The following CD226 variants were observed in gnomAD, a reference collection of about 807,000 sequenced individuals.
CD226 encodes the protein CD226 antigen.
CD226 carries 24 observed loss-of-function variants against 34.9 expected under a neutral mutation model. That is an observed-to-expected ratio of 0.69 (90% confidence interval 0.50 to 0.97). CD226 has a LOEUF of 0.97. CD226 is among the 50% of genes least tolerant of loss of function. The pLI is 0.00. For synonymous variants in CD226, 148 were observed against 147.4 expected, an observed-to-expected ratio of 1.00 and a Z score of -0.03; for missense variants, 397 against 412.7, an observed-to-expected ratio of 0.96 and a Z score of 0.33.
rs1426781436 is a variant in CD226 at position 69,861,542 on chromosome 18, G to GTATATATATA, written c.*2762_*2771dup. The GTATATATATA allele has an allele frequency of 2.4e-5, 1 of 41,526 alleles. No individual in the cohort carries two copies. The highest frequency in any genetic ancestry group is 6.5e-5 in the Non-Finnish European group (1 of 15,316). The allele number at this position is 41,526 out of a possible 1,614,324, so 2.6% of individuals were successfully genotyped here. On this transcript the variant is annotated 3_prime_UTR_variant, in exon 6 of 6. Coordinates refer to ENST00000582621, the MANE Select transcript of CD226 (RefSeq NM_001303618.2). ...TTATCCATCGATATAAATTATATGT[G>GTATATATATA]TATATATATATGTATATATATATAT...
chr18:69,898,453 G>T (rs779882750), intron 2 of CD226, among the ~76,000 whole-genome samples: 1 of 152,116 alleles, frequency 6.6e-6, no homozygotes, highest in African/African-American at 2.4e-5. Flanking sequence ...ACTCATAGCC[G>T]TGTCTGCATT....
At chr18:69,904,723 T>C (rs1249987532) in intron 2 of CD226, among the ~76,000 whole-genome samples, 5 of 152,202 alleles carry the variant, frequency 3.3e-5, no homozygotes, top group Admixed American at 1.3e-4. Context: ...ATTTTAAATA[T>C]AGGTAGTACA....
chr18:69,954,573 C>CTA (rs2055881031), intron 1 of CD226, among the ~76,000 whole-genome samples: 1 of 150,256 alleles, frequency 6.7e-6, no homozygotes, highest in Non-Finnish European at 1.5e-5. Flanking sequence ...TCGGTGGTTT[C>CTA]TATGATCAGG....
At chr18:69,914,973 C>G (rs2055368201) in intron 2 of CD226, among the ~76,000 whole-genome samples, 2 of 152,112 alleles carry the variant, frequency 1.3e-5, no homozygotes, top group Admixed American at 1.3e-4. Flanking sequence ...TAGAGCTTTA[C>G]CAGAGTTGTT....
In CD226 at chr18:69,895,710, C is replaced by T. The variant is rs1985230507; in HGVS notation, c.718G>A (p.Val240Ile). ...ENETFVMRLT[V>I]AEGKTDNQYT... ...TCTGGTGCTCACTCACCCTCGGCTA[C>T]AGTCAATCTCATCACGAAGGTTTCG... Residue 240 changes from valine (V) to isoleucine (I), a missense_variant, in exon 3 of 6, where the codon GTA becomes ATA. Transcript: ENST00000582621. 6.2e-7 allele frequency: 1 copy of T among 1,611,594 alleles called. No individual in the cohort carries two copies. Among genetic ancestry groups the T allele is most frequent in the African/African-American group, 1.3e-5 (1 of 74,902 alleles).
intron 3 of CD226, among the ~76,000 whole-genome samples, chr18:69,891,814 T>C (rs1420959006): frequency 1.3e-5 from 2 of 152,248 alleles, no homozygotes; most frequent in Admixed American, 6.5e-5. Flanking sequence ...GAAAATCATA[T>C]AGCAACTTAT....
At chr18:69,900,055 A>T (rs538212545) in intron 2 of CD226, among the ~76,000 whole-genome samples, 7 of 152,344 alleles carry the variant, frequency 4.6e-5, no homozygotes, top group African/African-American at 1.4e-4. Context: ...GACAGATGGG[A>T]TAAAGAAAAT....
At chr18:69,869,684 A>G (rs1296120284) in intron 4 of CD226, among the ~76,000 whole-genome samples, 1 of 152,182 alleles carries the variant, frequency 6.6e-6, no homozygotes, top group Non-Finnish European at 1.5e-5. Context: ...GAAAATAAAA[A>G]TGAAAATAAA....
At position 69,862,117 on chromosome 18, in the gene CD226, G is replaced by C. The variant is rs1405580437; in HGVS notation, c.*2197C>G. ...AATACTGCAGTGGTTTGCTACAAAA[G>C]TCTTTCATGAAGTTCCCAGTAAAAA... On this transcript the variant is annotated 3_prime_UTR_variant, in exon 6 of 6. Transcript: ENST00000582621. The C allele has an allele frequency of 5.3e-5, 8 of 152,080 alleles. No homozygotes were observed. Among genetic ancestry groups the C allele is most frequent in the South Asian group, 2.1e-4 (1 of 4,826 alleles). 9.4% of individuals were successfully genotyped at this position (152,080 alleles called of 1,614,324 possible).
intron 1 of CD226, among the ~76,000 whole-genome samples, chr18:69,954,559 ACT>A (rs1373034684): frequency 6.7e-6 from 1 of 149,878 alleles, no homozygotes; most frequent in Non-Finnish European, 1.5e-5. Flanking sequence ...AGCATCATCC[ACT>A]CTCGGTGGTT....
In CD226 at chr18:69,942,457, C is replaced by A. The variant is rs926573339; in HGVS notation, c.382+4277G>T. Among the ~76,000 whole-genome samples the A allele has an allele frequency of 2.0e-5, 3 of 152,304 alleles. 1 individual carries two copies. Among genetic ancestry groups the A allele is most frequent in the Non-Finnish European group, 1.5e-5 (1 of 68,028 alleles). On this transcript the variant is annotated intron_variant, in intron 2 of 5. Transcript: ENST00000582621. Reference sequence around the variant, plus strand: ...ATCTGGTTTTATTTTGTGTGTCTCTCTAAAAACTAGTCAGAGATGTCCCCT... The same window carrying A: ...ATCTGGTTTTATTTTGTGTGTCTCTATAAAAACTAGTCAGAGATGTCCCCT...
At chr18:69,947,103 TTGA>T in intron 1 of CD226, 34 bp from the exon 2 acceptor site, 1 of 1,530,016 alleles carries the variant, frequency 6.5e-7, no homozygotes, top group Admixed American at 1.7e-5. Context: ...ATTGTTAGCC[TTGA>T]TGATGGAAAC....
chr18:69,936,658 A>C (rs555814366), intron 2 of CD226, among the ~76,000 whole-genome samples: 1 of 152,310 alleles, frequency 6.6e-6, no homozygotes, highest in African/African-American at 2.4e-5. Context: ...ACATGGATAT[A>C]TAAAACCTTT....
intron 2 of CD226, among the ~76,000 whole-genome samples, chr18:69,910,979 G>A (rs987820044): frequency 3.3e-5 from 5 of 152,130 alleles, no homozygotes; most frequent in Non-Finnish European, 5.9e-5. Context: ...CACTGCAGTC[G>A]GTTAGGAAAG....
In CD226 at chr18:69,863,840, C is replaced by A. The variant is rs1177494072; in HGVS notation, c.*474G>T. 1 of 152,814 alleles carries A rather than the reference C, an allele frequency of 6.5e-6. No homozygotes were observed. The highest frequency in any genetic ancestry group is 1.5e-5 in the Non-Finnish European group (1 of 68,554). 9.5% of individuals were successfully genotyped at this position (152,814 alleles called of 1,614,324 possible). On this transcript the variant is annotated 3_prime_UTR_variant, in exon 6 of 6. Coordinates refer to ENST00000582621, the MANE Select transcript of CD226 (RefSeq NM_001303618.2). ...GAAAAAATAATCAAATTTGTTTGCT[C>A]CATTTGAGAAGCAAACTCTCTACCA...
intron 3 of CD226, among the ~76,000 whole-genome samples, chr18:69,873,579 C>A (rs1297431070): frequency 6.6e-6 from 1 of 151,454 alleles, no homozygotes; most frequent in Admixed American, 6.6e-5. Flanking sequence ...AAAAAAAAAA[C>A]TATTAAAATA....
intron 3 of CD226, among the ~76,000 whole-genome samples, chr18:69,882,876 C>G (rs936621864): frequency 6.6e-6 from 1 of 152,114 alleles, no homozygotes; most frequent in African/African-American, 2.4e-5. Flanking sequence ...CTATGTTGCT[C>G]AGGCTGGGGT....
chr18:69,961,455 A>G (rs545077866), upstream of CD226: 5 of 152,336 alleles, frequency 3.3e-5, no homozygotes, highest in Non-Finnish European at 7.3e-5. Flanking sequence ...CACCTAGTAT[A>G]TTGTGGAAAT....
intron 2 of CD226, among the ~76,000 whole-genome samples, chr18:69,897,988 G>A (rs989817943): frequency 1.3e-5 from 2 of 151,514 alleles, no homozygotes; most frequent in African/African-American, 4.8e-5. Flanking sequence ...TCGTCTCTAA[G>A]TAATAAAGCA....
Sources: allele counts gnomAD v4.1 joint callset (sites outside exome capture counted in the v4.1 genomes callset), GRCh38; gene constraint gnomAD v4.1.1; transcripts MANE v1.5; gene names NCBI Gene and HGNC (gene_info 2026-07-23, HGNC 2026-07-21).